Variants in TBX22 observed in about 807,000 individuals in gnomAD.
The protein encoded by TBX22 is T-box transcription factor 22.
A neutral mutation model predicts 30.1 loss-of-function variants in TBX22; 8 were observed. The observed-to-expected ratio is 0.27, with a 90% confidence interval of 0.16 to 0.48. TBX22 has a LOEUF of 0.48. Among genes scored for constraint, TBX22 ranks in the 20% least tolerant of loss-of-function variants. The pLI is 0.99. For synonymous variants in TBX22, 173 were observed against 149.1 expected (o/e 1.16, Z -1.17); for missense variants, 463 against 400.5 (o/e 1.16, Z -1.33).
At chrX:80,026,659 G>C in intron 5 of TBX22, 45 bp from the exon 6 acceptor site, 1 of 1,193,350 alleles carries the variant, frequency 8.4e-7, no homozygotes, top group Non-Finnish European at 1.1e-6. Flanking sequence ...TAGGGTTTGG[G>C]ACTGAAGCCA....
intron 1 of TBX22, among the ~76,000 whole-genome samples, chrX:80,015,325 C>T (rs1923382103): frequency 8.9e-6 from 1 of 111,877 alleles, no homozygotes; most frequent in African/African-American, 3.2e-5. Context: ...AGGACTGAAG[C>T]CAACGTGGAA....
In TBX22 at chrX:80,024,100, T is replaced by C. The variant is rs761214500; in HGVS notation, c.394T>C (p.Leu132=). 1.1e-5 allele frequency: 13 copies of C among 1,211,481 alleles called. No individual in the cohort carries two copies. The highest frequency in any genetic ancestry group is 1.3e-5 in the Non-Finnish European group (12 of 895,416). ...FPSVRVKVKG[L]DPGKQYHVAI... Reference sequence around the variant, plus strand: ...CTCTGTTCGGGTCAAGGTGAAAGGGTTGGATCCAGGGAAGCAGTACCATGT... The same window carrying C: ...CTCTGTTCGGGTCAAGGTGAAAGGGCTGGATCCAGGGAAGCAGTACCATGT... The change falls in exon 4 of 9, where the codon TTG becomes CTG. Residue 132 remains leucine (L), a synonymous_variant. Transcript: ENST00000373296.
In TBX22 at chrX:80,030,241, G is replaced by C. The variant is rs892466565; in HGVS notation, c.950-257G>C. On this transcript the variant is annotated intron_variant, in intron 8 of 8. Transcript: ENST00000373296. The stretch of plus-strand genomic sequence containing the variant: ...ACTGGCCTGCTGATCACCTCTTGCT[G>C]TCCAGCCTGATTCATAACAGGCTAC... Among the ~76,000 whole-genome samples, 3 of 111,861 alleles carry C rather than the reference G, an allele frequency of 2.7e-5. No homozygotes were observed. In the Admixed American group the frequency reaches 2.9e-4, roughly 11 times the overall value.
intron 8 of TBX22, among the ~76,000 whole-genome samples, chrX:80,029,083 A>G (rs1932940158): frequency 8.9e-6 from 1 of 112,463 alleles, no homozygotes; most frequent in Non-Finnish European, 1.9e-5. Flanking sequence ...TCATGAAATG[A>G]TAATTTAAAG....
In TBX22 at chrX:80,030,545, T is replaced by C; in HGVS notation, c.997T>C (p.Ser333Pro). 1 of 1,210,787 alleles carries C rather than the reference T, an allele frequency of 8.3e-7. No individual in the cohort carries two copies. The highest frequency in any genetic ancestry group is 1.1e-6 in the Non-Finnish European group (1 of 894,772). ...AGTGACCTCTAGTGGAGGGGCCCCCTCTCCTTTGAACTCCTTACTTTCTCC... is the reference window on the plus strand; with the variant it reads ...AGTGACCTCTAGTGGAGGGGCCCCCCCTCCTTTGAACTCCTTACTTTCTCC... ...SPVTSSGGAP[S>P]PLNSLLSPLC... Residue 333 changes from serine (S) to proline (P), a missense_variant, in exon 9 of 9, where the codon TCT becomes CCT. Ser to Pro is a moderately conservative substitution (Grantham distance 74). Transcript: ENST00000373296.
At position 80,030,520 on chromosome X, in the gene TBX22, A is replaced by G. The variant is rs967698958; in HGVS notation, c.972A>G (p.Pro324=). ...DTQSGSSGSS[P]VTSSGGAPSP... is the part of the protein sequence containing the mutation. ...CAGGTGGAAGCAGTGGCTCATCTCC[A>G]GTGACCTCTAGTGGAGGGGCCCCCT... Residue 324 remains proline (P), a synonymous_variant, in exon 9 of 9, where the codon CCA becomes CCG. Transcript: ENST00000373296. The G allele has an allele frequency of 8.3e-7, 1 of 1,211,159 alleles. No homozygotes were observed. Among genetic ancestry groups the G allele is most frequent in the Middle Eastern group, 2.3e-4 (1 of 4,351 alleles).
At chrX:80,022,129 GTT>G in intron 1 of TBX22, 137 bp from the exon 2 acceptor site, 1 of 246,327 alleles carries the variant, frequency 4.1e-6, no homozygotes, top group Non-Finnish European at 6.0e-6. Flanking sequence ...TGGGTTTGGG[GTT>G]TTGTTTTGTT....
At chrX:80,024,874 A>G (rs1356327644) in intron 4 of TBX22, among the ~76,000 whole-genome samples, 1 of 110,618 alleles carries the variant, frequency 9.0e-6, no homozygotes, top group African/African-American at 3.3e-5. Context: ...GGTCCAGTTC[A>G]GGGTTGGAGG....
Position 80,022,189 on chromosome X carries a change from T to G in TBX22, c.-2-79T>G, listed in dbSNP as rs997829130. The G allele has an allele frequency of 1.7e-5, 17 of 999,987 alleles. No homozygotes were observed. In the African/African-American group the frequency reaches 3.2e-4, roughly 19 times the overall value. 82.4% of individuals were successfully genotyped at this position (999,987 alleles called of 1,213,427 possible). A position where few individuals can be genotyped will look rare whatever the true frequency, so the allele number is the denominator to read the frequency against. ...CCTCCTTCCTTCACCCTCTGTGCCC[T>G]CCGCCTGTGTCTCCCCCTCCCTCCC... On this transcript the variant is annotated intron_variant, in intron 1 of 8. Transcript: ENST00000373296.
chrX:80,017,852 ATGT>A (rs747165782), intron 1 of TBX22, among the ~76,000 whole-genome samples: 22 of 111,846 alleles, frequency 2.0e-4, no homozygotes, highest in African/African-American at 7.1e-4. Flanking sequence ...CTGAAGCCTA[ATGT>A]TGTAATTATT....
rs752017317 is a variant in TBX22 at position 80,030,515 on chromosome X, T to A, written c.967T>A (p.Ser323Thr). Residue 323 changes from serine to threonine, a missense_variant, in exon 9 of 9, where the codon TCT becomes ACT. Ser to Thr is a moderately conservative substitution (Grantham distance 58). Transcript: ENST00000373296. ...ADTQSGSSGS[S>T]PVTSSGGAPS... is the part of the protein sequence containing the mutation. ...ATTCACAGGTGGAAGCAGTGGCTCA[T>A]CTCCAGTGACCTCTAGTGGAGGGGC... The A allele has an allele frequency of 8.3e-7, 1 of 1,211,542 alleles. No homozygotes were observed. The highest frequency in any genetic ancestry group is 1.1e-6 in the Non-Finnish European group (1 of 895,281).
intron 4 of TBX22, 127 bp from the exon 5 acceptor site, chrX:80,025,476 G>C: frequency 3.5e-6 from 2 of 564,674 alleles, no homozygotes; most frequent in Non-Finnish European, 6.2e-6. Flanking sequence ...TAGAAATTAA[G>C]TTGAGTCTTC....
chrX:80,025,733 G>A lies in TBX22; in HGVS notation c.589G>A (p.Asp197Asn). 1 of 1,210,909 alleles carries A rather than the reference G, an allele frequency of 8.3e-7. No homozygotes were observed. The highest frequency in any genetic ancestry group is 1.1e-6 in the Non-Finnish European group (1 of 895,063). The change falls in exon 5 of 9, where the codon GAT becomes AAT. Residue 197 changes from aspartate to asparagine, a missense_variant. By Grantham distance (23) the Asp-to-Asn change is conservative (BLOSUM62 1). Transcript: ENST00000373296. Reference sequence around the variant, plus strand: ...CTGGATGCGGCAGATCATCAGCTTTGATCGCATGAAACTCACCAACAATGA... The same window carrying A: ...CTGGATGCGGCAGATCATCAGCTTTAATCGCATGAAACTCACCAACAATGA... ...ETWMRQIISF[D>N]RMKLTNNEMD... is the part of the protein sequence containing the mutation.
At position 80,024,160 on chromosome X, in the gene TBX22, T is replaced by C; in HGVS notation, c.454T>C (p.Tyr152His). 1 of 1,206,854 alleles carries C rather than the reference T, an allele frequency of 8.3e-7. No individual in the cohort carries two copies. The highest frequency in any genetic ancestry group is 1.1e-6 in the Non-Finnish European group (1 of 891,594). The stretch of plus-strand genomic sequence containing the variant: ...TGTGGTGCCGGTGGATTCCAAACGC[T>C]ATAGGTAATGGGCCCCATAGAATGG... ...IDVVPVDSKR[Y>H]RYVYHSSQWM... is the part of the protein sequence containing the mutation. Residue 152 changes from tyrosine (Y) to histidine (H), a missense_variant, in exon 4 of 9, where the codon TAT becomes CAT. Coordinates refer to ENST00000373296, the MANE Select transcript of TBX22 (RefSeq NM_001109878.2).
intron 2 of TBX22, chrX:80,022,720 G>A (rs1384240516): frequency 9.4e-6 from 4 of 424,327 alleles, no homozygotes; most frequent in Non-Finnish European, 1.6e-5. Context: ...GCGGGTGGCT[G>A]CTGTATCCTG....
At chrX:80,026,272 C>T (rs765865646) in intron 5 of TBX22, among the ~76,000 whole-genome samples, 1 of 111,725 alleles carries the variant, frequency 9.0e-6, no homozygotes, top group Admixed American at 9.5e-5. Flanking sequence ...ACTAGGTGCA[C>T]CCCAGCTTCT....
intron 8 of TBX22, among the ~76,000 whole-genome samples, chrX:80,028,869 A>G (rs1370623804): frequency 9.0e-6 from 1 of 111,242 alleles, no homozygotes; most frequent in Non-Finnish European, 1.9e-5. Context: ...TGCCATAACA[A>G]CTAACTGAAA....
At chrX:80,019,147 AAAC>A (rs987480845) in intron 1 of TBX22, among the ~76,000 whole-genome samples, 3 of 111,840 alleles carry the variant, frequency 2.7e-5, no homozygotes, top group Admixed American at 9.5e-5. Flanking sequence ...TCACTTAAGC[AAAC>A]AACGATAATT....
intron 2 of TBX22, 146 bp from the exon 3 acceptor site, chrX:80,022,914 G>C: frequency 5.3e-6 from 3 of 570,453 alleles, no homozygotes; most frequent in South Asian, 5.4e-5. Context: ...GCCACAGAGG[G>C]TGTTATGCGG....
Sources: allele counts gnomAD v4.1 joint callset (sites outside exome capture counted in the v4.1 genomes callset), GRCh38; gene constraint gnomAD v4.1.1; transcripts MANE v1.5; gene names NCBI Gene and HGNC (gene_info 2026-07-23, HGNC 2026-07-21).